SCFD2: variants seen among roughly 807,000 people sequenced by gnomAD.
SCFD2 encodes sec1 family domain-containing protein 2.
In SCFD2, 54 loss-of-function variants were observed where a neutral mutation model predicts 58.9. The ratio of observed to expected loss-of-function variants is 0.92; its 90% CI spans 0.74 to 1.15. The LOEUF (loss-of-function observed/expected upper bound fraction) is 1.15. SCFD2 is among the 50% of genes most tolerant of loss of function. SCFD2 has a pLI of 0.00. For missense variants in SCFD2, 805 were observed against 836.6 expected (o/e 0.96, Z 0.47); for synonymous variants, 321 against 335.9 (o/e 0.96, Z 0.49).
At chr4:53,133,375 T>C (rs896282857) in intron 5 of SCFD2, among the ~76,000 whole-genome samples, 10 of 151,012 alleles carry the variant, frequency 6.6e-5, no homozygotes, top group African/African-American at 1.9e-4. Flanking sequence ...GTACTTCATA[T>C]GTTATAAAGA....
At chr4:53,336,498 T>C (rs1229681571) in intron 2 of SCFD2, among the ~76,000 whole-genome samples, 2 of 152,100 alleles carry the variant, frequency 1.3e-5, no homozygotes, top group Non-Finnish European at 2.9e-5. Flanking sequence ...ATTTCTTTTT[T>C]CCTTTTTTTC....
chr4:52,913,459 A>T (rs1361093761), intron 6 of SCFD2, among the ~76,000 whole-genome samples: 1 of 152,148 alleles, frequency 6.6e-6, no homozygotes, highest in Non-Finnish European at 1.5e-5. Context: ...CTAATGTCTG[A>T]TGGCCTGTCA....
chr4:52,959,897 A>AACACACACACACACACACAC (rs10529140), intron 5 of SCFD2, among the ~76,000 whole-genome samples: 2,148 of 138,110 alleles, frequency 0.016, 41 homozygotes, highest in East Asian at 0.077. Flanking sequence ...TCCAAATTGA[A>AACACACACACACACACACAC]ACACACACAC....
At chr4:53,194,831 G>T (rs143290370) in intron 4 of SCFD2, among the ~76,000 whole-genome samples, 123 of 152,122 alleles carry the variant, frequency 8.1e-4, no homozygotes, top group African/African-American at 2.9e-3. Flanking sequence ...ACACACGAGC[G>T]ACACTCTGTC....
At chr4:52,998,166 G>A (rs1721785707) in intron 5 of SCFD2, among the ~76,000 whole-genome samples, 1 of 152,136 alleles carries the variant, frequency 6.6e-6, no homozygotes, top group African/African-American at 2.4e-5. Context: ...GCAGTCATTG[G>A]CAAGGCCTGG....
chr4:53,214,522 G>C (rs554734954), intron 4 of SCFD2, among the ~76,000 whole-genome samples: 1 of 152,052 alleles, frequency 6.6e-6, no homozygotes, highest in East Asian at 1.9e-4. Context: ...TTGTAAATTT[G>C]TTTGAGTTCA....
intron 4 of SCFD2, among the ~76,000 whole-genome samples, chr4:53,179,566 T>C (rs1019149954): frequency 1.4e-4 from 21 of 152,172 alleles, no homozygotes; most frequent in Non-Finnish European, 2.8e-4. Context: ...ATAAAGACCA[T>C]TGATGCCATG....
chr4:53,122,481 C>T (rs1725507754), intron 5 of SCFD2, among the ~76,000 whole-genome samples: 1 of 152,158 alleles, frequency 6.6e-6, no homozygotes, highest in African/African-American at 2.4e-5. Flanking sequence ...TAAACCCTAT[C>T]CTGCCAAGAA....
chr4:53,361,077 C>G (rs1249929833), intron 1 of SCFD2, among the ~76,000 whole-genome samples: 1 of 152,174 alleles, frequency 6.6e-6, no homozygotes, highest in African/African-American at 2.4e-5. Flanking sequence ...CCTTCGCTAA[C>G]TTAACCATTC....
chr4:53,233,519 C>G (rs1418126517), intron 4 of SCFD2, among the ~76,000 whole-genome samples: 5 of 152,204 alleles, frequency 3.3e-5, no homozygotes, highest in African/African-American at 1.2e-4. Flanking sequence ...ATTACTAACT[C>G]TGGTTTCCAG....
At chr4:53,000,719 G>C (rs778135459) in intron 5 of SCFD2, among the ~76,000 whole-genome samples, 1 of 152,244 alleles carries the variant, frequency 6.6e-6, no homozygotes, top group Non-Finnish European at 1.5e-5. Flanking sequence ...ATTTGTACCA[G>C]CAGAGAGAAG....
chr4:53,269,785 G>A (rs949777432), intron 4 of SCFD2, among the ~76,000 whole-genome samples: 1 of 152,188 alleles, frequency 6.6e-6, no homozygotes, highest in Non-Finnish European at 1.5e-5. Context: ...CCAACACTGG[G>A]AGGCCAAGGC....
intron 4 of SCFD2, among the ~76,000 whole-genome samples, chr4:53,166,279 T>C (rs555010201): frequency 7.9e-5 from 12 of 152,386 alleles, no homozygotes; most frequent in African/African-American, 2.9e-4. Context: ...TGTATCTGTA[T>C]ATCTTTTTGA....
chr4:52,898,238 T>C (rs865998955), intron 7 of SCFD2, among the ~76,000 whole-genome samples: 66 of 152,360 alleles, frequency 4.3e-4, no homozygotes, highest in African/African-American at 1.6e-3. Flanking sequence ...CTTTTAATTG[T>C]GATGTTAGGG....
intron 5 of SCFD2, among the ~76,000 whole-genome samples, chr4:53,043,282 G>A (rs1722944412): frequency 6.6e-6 from 1 of 152,150 alleles, no homozygotes; most frequent in African/African-American, 2.4e-5. Context: ...AAAAGGGATG[G>A]CATTGAGCCA....
chr4:53,040,014 T>G (rs1722855522), intron 5 of SCFD2, among the ~76,000 whole-genome samples: 1 of 152,210 alleles, frequency 6.6e-6, no homozygotes, highest in African/African-American at 2.4e-5. Flanking sequence ...TGTGCTTATC[T>G]TCCCAACACG....
intron 5 of SCFD2, among the ~76,000 whole-genome samples, chr4:53,051,012 T>G (rs1723178426): frequency 6.6e-6 from 1 of 152,204 alleles, no homozygotes; most frequent in South Asian, 2.1e-4. Context: ...TCATAGCCTT[T>G]ATTACAATTT....
intron 4 of SCFD2, among the ~76,000 whole-genome samples, chr4:53,229,765 A>G (rs1310191516): frequency 1.3e-5 from 2 of 152,248 alleles, no homozygotes; most frequent in African/African-American, 2.4e-5. Context: ...GCCAGAATTG[A>G]CAAATGGGAT....
chr4:52,939,438 C>T (rs1720233124), intron 5 of SCFD2, among the ~76,000 whole-genome samples: 1 of 152,032 alleles, frequency 6.6e-6, no homozygotes, highest in Admixed American at 6.6e-5. Flanking sequence ...ACTATGTTGT[C>T]TATAAAAAGC....
Sources: gnomAD v4.1 joint callset for allele counts (sites outside exome capture counted in the v4.1 genomes callset) on GRCh38, gnomAD v4.1.1 for gene constraint, MANE v1.5 for transcripts, NCBI Gene and HGNC (gene_info 2026-07-23, HGNC 2026-07-21) for gene names.